The following MYO16 variants were observed in gnomAD, a reference collection of about 807,000 sequenced individuals.
MYO16 encodes unconventional myosin-XVI.
MYO16 carries 94 observed loss-of-function variants against 205.3 expected under a neutral mutation model. The observed-to-expected ratio is 0.46, with a 90% CI of 0.39 to 0.54. The LOEUF (loss-of-function observed/expected upper bound fraction) is 0.54, where lower values mean the gene tolerates loss of function less well. Among genes scored for constraint, MYO16 ranks in the 20% least tolerant of loss-of-function variants. The probability of loss-of-function intolerance (pLI) is 0.00; values close to 1 mark genes in which losing one functional copy is unlikely to be tolerated. For synonymous variants in MYO16, 988 were observed against 954.0 expected (o/e 1.04, Z -0.66); for missense variants, 2,315 against 2,387.5 (o/e 0.97, Z 0.63).
At chr13:109,204,572 A>G (rs1000299604) in intron 34 of MYO16, among the ~76,000 whole-genome samples, 1 of 152,234 alleles carries the variant, frequency 6.6e-6, no homozygotes, top group South Asian at 2.1e-4. Flanking sequence ...CTTAGCCTGT[A>G]TCAGATCCTA....
At chr13:108,560,408 A>G in the MYO16 span, among the ~76,000 whole-genome samples, 1 of 152,242 alleles carries the variant, frequency 6.6e-6, no homozygotes, top group Non-Finnish European at 1.5e-5. Context: ...ATTTGTCAAG[A>G]TAAAATTTCT....
chr13:108,769,327 C>A (rs971464915), intron 4 of MYO16, among the ~76,000 whole-genome samples: 4 of 152,050 alleles, frequency 2.6e-5, no homozygotes, highest in African/African-American at 9.7e-5. Flanking sequence ...CAGTGGGAGC[C>A]ACGTGTGTGA....
intron 10 of MYO16, among the ~76,000 whole-genome samples, chr13:108,850,074 G>A (rs1877771345): frequency 6.9e-6 from 1 of 145,188 alleles, no homozygotes; most frequent in African/African-American, 2.6e-5. Flanking sequence ...TCCATACTGG[G>A]TTATTTGCGC....
intron 20 of MYO16, among the ~76,000 whole-genome samples, chr13:108,987,023 A>G (rs1404641816): frequency 1.3e-5 from 2 of 152,176 alleles, no homozygotes; most frequent in African/African-American, 4.8e-5. Context: ...TGCTCCTAAC[A>G]GTGCTTTGTG....
At chr13:108,959,200 C>G (rs1478605380) in intron 17 of MYO16, among the ~76,000 whole-genome samples, 2 of 152,162 alleles carry the variant, frequency 1.3e-5, no homozygotes, top group Admixed American at 1.3e-4. Flanking sequence ...CTTTTTGGCT[C>G]TGATTACCCG....
intron 4 of MYO16, among the ~76,000 whole-genome samples, chr13:108,741,715 G>A (rs1003969468): frequency 1.4e-4 from 21 of 152,114 alleles, no homozygotes; most frequent in African/African-American, 4.1e-4. Flanking sequence ...TGAAGAATGA[G>A]AATCAACTGT....
At chr13:109,173,276 T>C (rs1354994666) in intron 33 of MYO16, among the ~76,000 whole-genome samples, 2 of 152,160 alleles carry the variant, frequency 1.3e-5, no homozygotes, top group Non-Finnish European at 2.9e-5. Flanking sequence ...ACGGAGCACA[T>C]TGAAAATACA....
At chr13:108,910,227 T>G (rs1881192335) in intron 16 of MYO16, 77 bp downstream of exon 16, 1 of 1,448,754 alleles carries the variant, frequency 6.9e-7, no homozygotes, top group Non-Finnish European at 9.5e-7. Flanking sequence ...TAAATTATCT[T>G]CTTACTTTTC....
chr13:108,606,941 G>C (rs888225037), intron 1 of MYO16, among the ~76,000 whole-genome samples: 1 of 152,250 alleles, frequency 6.6e-6, no homozygotes. Context: ...CTGCATGTGA[G>C]ACATGGAGTC....
At chr13:108,894,045 AT>A (rs1880296502) in intron 14 of MYO16, among the ~76,000 whole-genome samples, 2 of 152,148 alleles carry the variant, frequency 1.3e-5, no homozygotes, top group Non-Finnish European at 2.9e-5. Flanking sequence ...GCCTCAGGAA[AT>A]TTACAGTCAT....
In MYO16 at chr13:109,162,714, T is replaced by C. The variant is rs544971139; in HGVS notation, c.5165-2187T>C. Among the ~76,000 whole-genome samples the C allele has an allele frequency of 2.0e-5, 3 of 152,118 alleles. No individual in the cohort carries two copies. Among genetic ancestry groups the C allele is most frequent in the South Asian group, 2.1e-4 (1 of 4,826 alleles). ...CCGCACTCAGTGAGTATCTGGCACATAGTAGGCACCCAATAAATAACTGAA... is the reference window on the plus strand; with the variant it reads ...CCGCACTCAGTGAGTATCTGGCACACAGTAGGCACCCAATAAATAACTGAA... On this transcript the variant is annotated intron_variant, in intron 32 of 34. Transcript: ENST00000457511. This position sits in a 1 kb window ranked among gnomAD's most constrained non-coding sequence, Gnocchi z 4.6.
chr13:108,999,193 A>G (rs1286025782), intron 21 of MYO16, among the ~76,000 whole-genome samples: 2 of 152,224 alleles, frequency 1.3e-5, no homozygotes, highest in East Asian at 1.9e-4. Flanking sequence ...TTAGATATCA[A>G]TATTGATTTG....
Position 108,961,539 on chromosome 13 carries a change from G to A in MYO16, c.2038G>A (p.Glu680Lys). ...ALNVVGFSSL[E>K]VENLFVILAA... ...TTCTCTCTGTTTGTAAAATGCATAG[G>A]AGGTGGAGAATCTGTTCGTAATTCT... The change falls in exon 18 of 35, where the codon GAG becomes AAG. Residue 680 changes from glutamate to lysine, a missense_variant and splice_region_variant. By Grantham distance (56) the Glu-to-Lys change is moderately conservative (BLOSUM62 1). Coordinates refer to ENST00000457511, the MANE Select transcript of MYO16 (RefSeq NM_001198950.3). 1 of 1,611,292 alleles carries A rather than the reference G, an allele frequency of 6.2e-7. No individual in the cohort carries two copies. The highest frequency in any genetic ancestry group is 8.5e-7 in the Non-Finnish European group (1 of 1,177,496).
chr13:108,707,228 G>A (rs1342361683), intron 2 of MYO16, among the ~76,000 whole-genome samples: 1 of 152,094 alleles, frequency 6.6e-6, no homozygotes, highest in Admixed American at 6.5e-5. Flanking sequence ...AACAGTCCTT[G>A]GATGCTGATT....
At chr13:109,046,658 T>C (rs1887054316) in intron 23 of MYO16, among the ~76,000 whole-genome samples, 1 of 152,204 alleles carries the variant, frequency 6.6e-6, no homozygotes, top group Non-Finnish European at 1.5e-5. Context: ...ATGTGAACCG[T>C]CACTATTTGC....
intron 16 of MYO16, among the ~76,000 whole-genome samples, chr13:108,934,587 C>T (rs1344741751): frequency 1.3e-5 from 2 of 151,990 alleles, no homozygotes; most frequent in Non-Finnish European, 2.9e-5. Flanking sequence ...TGTTCAGAAG[C>T]TCTTTAGTTT....
chr13:108,532,458 G>C, the MYO16 span, among the ~76,000 whole-genome samples: 423 of 151,198 alleles, frequency 2.8e-3, 2 homozygotes, highest in African/African-American at 9.3e-3. Context: ...TTTGAGAAGA[G>C]AGAGTGTGGT....
At position 108,738,914 on chromosome 13, in the gene MYO16, T is replaced by A. The variant is rs146048405; in HGVS notation, c.507+11331T>A. Among the ~76,000 whole-genome samples the A allele has an allele frequency of 9.6e-4, 146 of 152,298 alleles. 2 individuals are homozygous for A. The East Asian group carries it at 0.025, about 26-fold the overall frequency. ...TAATGGCCTTCTTTGTCTCTTTTGATCTTTGTTGGTTTAAGGTCTGTTTTA... is the reference window on the plus strand; with the variant it reads ...TAATGGCCTTCTTTGTCTCTTTTGAACTTTGTTGGTTTAAGGTCTGTTTTA... On this transcript the variant is annotated intron_variant, in intron 4 of 34. Transcript: ENST00000457511.
At chr13:108,650,355 G>A (rs74403668) in intron 1 of MYO16, among the ~76,000 whole-genome samples, 7,146 of 152,186 alleles carry the variant, frequency 0.047, 225 homozygotes, top group South Asian at 0.19. Flanking sequence ...CAGACTAAAG[G>A]CATCCAGGAA....
Sources: gnomAD v4.1 joint callset for allele counts (sites outside exome capture counted in the v4.1 genomes callset) on GRCh38, gnomAD v4.1.1 for gene constraint, Gnocchi (gnomAD v3.1) non-coding constraint, MANE v1.5 for transcripts, NCBI Gene and HGNC (gene_info 2026-07-23, HGNC 2026-07-21) for gene names.